The following SBF2 variants were observed in gnomAD, a reference collection of about 807,000 sequenced individuals.
SBF2 encodes myotubularin-related protein 13.
SBF2 carries 112 observed loss-of-function variants against 225.2 expected under a neutral mutation model. The observed-to-expected ratio is 0.50, with a 90% confidence interval of 0.43 to 0.58. The LOEUF (loss-of-function observed/expected upper bound fraction) is 0.58. Among genes scored for constraint, SBF2 ranks in the 20% least tolerant of loss-of-function variants. The pLI is 0.00. For missense variants in SBF2, 1,996 were observed against 2,206.2 expected (o/e 0.90, Z 1.91); for synonymous variants, 763 against 773.3 (o/e 0.99, Z 0.22).
At chr11:9,803,339 A>G (rs56117558) in intron 32 of SBF2, among the ~76,000 whole-genome samples, 2,151 of 152,300 alleles carry the variant, frequency 0.014, 45 homozygotes, top group African/African-American at 0.049. Flanking sequence ...TTTAGCATCT[A>G]TTGTATTCTA....
chr11:10,048,387 T>C (rs1473592004), intron 2 of SBF2, among the ~76,000 whole-genome samples: 1 of 152,240 alleles, frequency 6.6e-6, no homozygotes, highest in African/African-American at 2.4e-5. Flanking sequence ...TGAGTAAAAC[T>C]GCTTGTGTCT....
rs1306518463 is a variant in SBF2, at chr11:9,780,529, A to ATGAC, written c.5452-17_5452-14dup. ...TGCTGGTCTTGAGCTACAAAACCAA[A>ATGAC]TGACAGTGAACCAGAGATGAAGGGC... On this transcript the variant is annotated splice_polypyrimidine_tract_variant and intron_variant, in intron 39 of 39. Transcript: ENST00000256190. The ATGAC allele has an allele frequency of 6.2e-7, 1 of 1,611,482 alleles. No homozygotes were observed. Among genetic ancestry groups the ATGAC allele is most frequent in the African/African-American group, 1.3e-5 (1 of 75,002 alleles).
chr11:10,085,085 C>A (rs1260598158), intron 2 of SBF2, among the ~76,000 whole-genome samples: 6 of 152,116 alleles, frequency 3.9e-5, no homozygotes, highest in Non-Finnish European at 8.8e-5. Context: ...TTGTACAAAA[C>A]AAAACAGAAA....
At chr11:10,304,032 G>A (rs546657594) in intron 1 of SBF2, among the ~76,000 whole-genome samples, 8 of 152,236 alleles carry the variant, frequency 5.3e-5, no homozygotes, top group African/African-American at 1.7e-4. Flanking sequence ...GGCCGAGTAG[G>A]GACTCTGCTG....
At position 10,206,728 on chromosome 11, in the gene SBF2, G is replaced by A. The variant is rs112877922; in HGVS notation, c.56-12741C>T. Among the ~76,000 whole-genome samples the A allele has an allele frequency of 9.1e-4, 138 of 152,174 alleles. 1 individual carries two copies. The highest frequency in any genetic ancestry group is 2.8e-3 in the African/African-American group (117 of 41,554). On this transcript the variant is annotated intron_variant, in intron 1 of 39. Transcript: ENST00000256190. ...ATCTCACTGGATGGTTTCAATAGTA[G>A]AGTGAAAATGGCATAGCATAGAATC...
intron 2 of SBF2, among the ~76,000 whole-genome samples, chr11:10,064,483 C>T (rs138401254): frequency 6.0e-4 from 91 of 152,188 alleles, no homozygotes; most frequent in African/African-American, 2.1e-3. Context: ...TTAGTCATCA[C>T]ATTAAATAGA....
chr11:10,201,128 A>G (rs982249916), intron 1 of SBF2, among the ~76,000 whole-genome samples: 10 of 152,212 alleles, frequency 6.6e-5, no homozygotes, highest in African/African-American at 2.2e-4. Context: ...AACGCACAGC[A>G]CTAGAAAATC....
chr11:10,229,450 T>G (rs550331567), intron 1 of SBF2, among the ~76,000 whole-genome samples: 1 of 152,240 alleles, frequency 6.6e-6, no homozygotes, highest in Non-Finnish European at 1.5e-5. Flanking sequence ...TATGGGCATT[T>G]AGTGCTATAA....
chr11:10,180,175 T>C (rs1439323180), intron 2 of SBF2, among the ~76,000 whole-genome samples: 1 of 152,110 alleles, frequency 6.6e-6, no homozygotes, highest in Non-Finnish European at 1.5e-5. Flanking sequence ...TGCCAGTGAG[T>C]TTTGTACCTT....
At chr11:10,271,100 C>G (rs966204520) in intron 1 of SBF2, among the ~76,000 whole-genome samples, 1 of 150,884 alleles carries the variant, frequency 6.6e-6, no homozygotes, top group African/African-American at 2.4e-5. Flanking sequence ...AAAATGTCAG[C>G]AGTATGCCAC....
chr11:9,792,408 C>T (rs908261695), intron 33 of SBF2, among the ~76,000 whole-genome samples: 4 of 149,288 alleles, frequency 2.7e-5, no homozygotes, highest in Admixed American at 6.7e-5. Context: ...TCCAGCCTGG[C>T]GACAGTGTGA....
chr11:9,959,309 C>T lies in SBF2; in HGVS notation c.1860+2648G>A, dbSNP rs114505929. ...ATGTCCCTGCCATAGGTTTTGTCTG[C>T]TCACATACTACAGTTAAGATGGACC... On this transcript the variant is annotated intron_variant, in intron 16 of 39. Transcript: ENST00000256190. 1.3e-3 allele frequency: 989 copies of T among 775,436 alleles called. 9 individuals carry two copies. The African/African-American group carries it at 0.014, about 11-fold the overall frequency. 48.0% of individuals were successfully genotyped at this position (775,436 alleles called of 1,614,324 possible).
chr11:10,186,275 T>C (rs990879547), intron 2 of SBF2, among the ~76,000 whole-genome samples: 6 of 152,312 alleles, frequency 3.9e-5, no homozygotes, highest in African/African-American at 1.4e-4. Flanking sequence ...CAGCGGCTCA[T>C]GCCTGTAATC....
chr11:9,829,433 A>C lies in SBF2; in HGVS notation c.3716T>G (p.Leu1239Arg). ...IEQEKYLQAL[L>R]NAVSVHQKLR... ...TTTCTGATGGACAGAAACAGCATTC[A>C]GTAAGGCTTGCAAGTATTTCTCTTG... Residue 1239 changes from leucine (L) to arginine (R), a missense_variant, in exon 28 of 40, where the codon CTG becomes CGG. Transcript: ENST00000256190. 1 of 1,613,734 alleles carries C rather than the reference A, an allele frequency of 6.2e-7. No individual in the cohort carries two copies. Among genetic ancestry groups the C allele is most frequent in the Non-Finnish European group, 8.5e-7 (1 of 1,179,604 alleles).
chr11:9,836,329 A>G (rs1288803359), intron 26 of SBF2, among the ~76,000 whole-genome samples: 3 of 152,186 alleles, frequency 2.0e-5, no homozygotes, highest in African/African-American at 7.2e-5. Context: ...GGAATAGGTC[A>G]AGATTAATTT....
chr11:10,134,387 C>T (rs929104003), intron 2 of SBF2, among the ~76,000 whole-genome samples: 5 of 152,072 alleles, frequency 3.3e-5, no homozygotes, highest in Admixed American at 2.0e-4. Flanking sequence ...AACCTCATGT[C>T]CTCACATTTC....
chr11:10,083,095 G>A lies in SBF2; in HGVS notation c.142-40114C>T, dbSNP rs540376975. On this transcript the variant is annotated intron_variant, in intron 2 of 39. Coordinates refer to ENST00000256190, the MANE Select transcript of SBF2 (RefSeq NM_030962.4). ...TCTATACACCAATAACTACCAAACT[G>A]AGAACCAAATCAAGAAGTCAATCCT... Among the ~76,000 whole-genome samples the A allele has an allele frequency of 3.3e-5, 5 of 152,120 alleles. No homozygotes were observed. The East Asian group carries it at 7.7e-4, about 23-fold the overall frequency.
At chr11:10,226,798 A>C (rs1254810669) in intron 1 of SBF2, among the ~76,000 whole-genome samples, 1 of 152,172 alleles carries the variant, frequency 6.6e-6, no homozygotes, top group Non-Finnish European at 1.5e-5. Context: ...ATACATGTGC[A>C]TGTGTCTTTA....
At chr11:9,783,738 G>A (rs759645075) in intron 38 of SBF2, among the ~76,000 whole-genome samples, 2 of 152,170 alleles carry the variant, frequency 1.3e-5, no homozygotes, top group African/African-American at 2.4e-5. Flanking sequence ...ACTTGCCCAC[G>A]GTGAATTCCA....
Sources: allele counts gnomAD v4.1 joint callset (sites outside exome capture counted in the v4.1 genomes callset), GRCh38; gene constraint gnomAD v4.1.1; transcripts MANE v1.5; gene names NCBI Gene and HGNC (gene_info 2026-07-23, HGNC 2026-07-21).